The following HUNK variants were observed in gnomAD, a reference collection of about 807,000 sequenced individuals.
HUNK encodes hormonally up-regulated neu tumor-associated kinase.
In HUNK, 21 loss-of-function variants were observed where a neutral mutation model predicts 61.0. The observed-to-expected ratio is 0.34, with a 90% CI of 0.24 to 0.50. The LOEUF (loss-of-function observed/expected upper bound fraction) is 0.50. HUNK is among the 20% of genes least tolerant of loss of function. The probability of loss-of-function intolerance (pLI) is 0.98; values close to 1 mark genes in which losing one functional copy is unlikely to be tolerated. For synonymous variants in HUNK, 371 were observed against 386.1 expected, an observed-to-expected ratio of 0.96 and a Z score of 0.46; for missense variants, 772 against 945.7, an observed-to-expected ratio of 0.82 and a Z score of 2.41.
At chr21:31,933,214 C>G (rs1366007638) in intron 2 of HUNK, among the ~76,000 whole-genome samples, 1 of 152,056 alleles carries the variant, frequency 6.6e-6, no homozygotes, top group Non-Finnish European at 1.5e-5. Context: ...CCATGCCTGG[C>G]CCTGCACTAC....
chr21:31,896,395 T>C (rs1022359051), intron 1 of HUNK, among the ~76,000 whole-genome samples: 1 of 152,212 alleles, frequency 6.6e-6, no homozygotes, highest in East Asian at 1.9e-4. Flanking sequence ...GAACCTGGGG[T>C]TTCTCTCTCT....
At chr21:31,946,289 C>A in intron 4 of HUNK, 118 bp downstream of exon 4, 1 of 988,228 alleles carries the variant, frequency 1.0e-6, no homozygotes, top group South Asian at 2.0e-5. Flanking sequence ...AGGAGTATGT[C>A]ATCAGGGATT....
rs909706705 is a variant in HUNK, at chr21:31,983,442, C to T, written c.1174-84C>T. The T allele has an allele frequency of 1.9e-5, 20 of 1,066,088 alleles. No homozygotes were observed. In the East Asian group the frequency reaches 3.3e-4, roughly 18 times the overall value. The allele number at this position is 1,066,088 out of a possible 1,614,324, so 66.0% of individuals were successfully genotyped here. A position where few individuals can be genotyped will look rare whatever the true frequency, so the allele number is the denominator to read the frequency against. Reference sequence around the variant, plus strand: ...CATTTCCAGCATTCTCTCAGCCAAGCGCTGGTTTAAAAATTAATGACTGCT... The same window carrying T: ...CATTTCCAGCATTCTCTCAGCCAAGTGCTGGTTTAAAAATTAATGACTGCT... On this transcript the variant is annotated intron_variant, in intron 7 of 10. Coordinates refer to ENST00000270112, the MANE Select transcript of HUNK (RefSeq NM_014586.2).
intron 1 of HUNK, among the ~76,000 whole-genome samples, chr21:31,900,014 A>T (rs1337977544): frequency 6.6e-6 from 1 of 151,708 alleles, no homozygotes; most frequent in Non-Finnish European, 1.5e-5. Flanking sequence ...ACCTCAAGTG[A>T]TCCACCCTCC....
chr21:31,941,743 G>A (rs867542403), intron 3 of HUNK, among the ~76,000 whole-genome samples: 29 of 152,330 alleles, frequency 1.9e-4, no homozygotes, highest in Non-Finnish European at 1.0e-4. Flanking sequence ...GAGATCTGGA[G>A]TGTTAAACAA....
Position 32,002,956 on chromosome 21 carries a change from T to C in HUNK, c.*3772T>C, listed in dbSNP as rs549949914. ...TTGTAAGAATCCCAACACTTTAGAA[T>C]AGAAAAGGACCTAAGATTCTCTGGC... On this transcript the variant is annotated 3_prime_UTR_variant, in exon 11 of 11. Coordinates refer to ENST00000270112, the MANE Select transcript of HUNK (RefSeq NM_014586.2). The C allele has an allele frequency of 1.3e-5, 2 of 152,170 alleles. No individual in the cohort carries two copies. Among genetic ancestry groups the C allele is most frequent in the African/African-American group, 2.4e-5 (1 of 41,436 alleles). 9.4% of individuals were successfully genotyped at this position (152,170 alleles called of 1,614,324 possible).
intron 1 of HUNK, among the ~76,000 whole-genome samples, chr21:31,889,056 T>C (rs1471592446): frequency 6.6e-6 from 1 of 152,136 alleles, no homozygotes; most frequent in East Asian, 1.9e-4. Flanking sequence ...GAGAGGTTTT[T>C]GAATCACATC....
intron 7 of HUNK, among the ~76,000 whole-genome samples, chr21:31,981,959 G>T (rs1298627689): frequency 6.6e-6 from 1 of 151,798 alleles, no homozygotes; most frequent in Non-Finnish European, 1.5e-5. Flanking sequence ...GTGCAGGTTT[G>T]TTACATAAGT....
At chr21:31,930,770 A>G (rs2052690990) in intron 2 of HUNK, among the ~76,000 whole-genome samples, 1 of 152,146 alleles carries the variant, frequency 6.6e-6, no homozygotes, top group African/African-American at 2.4e-5. Flanking sequence ...GGAATAGTCC[A>G]TATTCTCCCT....
At chr21:31,955,660 T>C (rs1410493265) in intron 4 of HUNK, among the ~76,000 whole-genome samples, 3 of 152,238 alleles carry the variant, frequency 2.0e-5, no homozygotes, top group East Asian at 3.8e-4. Context: ...TTCTTAGTTA[T>C]ATGGTGGTCA....
Position 31,892,178 on chromosome 21 carries a change from TATAGAG to T in HUNK, c.261+18245_261+18250del, listed in dbSNP as rs1319557323. On this transcript the variant is annotated intron_variant, in intron 1 of 10. Transcript: ENST00000270112. Reference sequence around the variant, plus strand: ...AAAAAAAAAAATATATATATATATATATAGAGAGAGAGAGAGAGAGAGAGAGAGAGA... The same window carrying T: ...AAAAAAAAAAATATATATATATATATAGAGAGAGAGAGAGAGAGAGAGAGA... Among the ~76,000 whole-genome samples the T allele has an allele frequency of 3.1e-3, 318 of 103,974 alleles. 2 individuals are homozygous for T. The highest frequency in any genetic ancestry group is 0.014 in the Middle Eastern group (3 of 208). The allele number at this position is 103,974 out of a possible 152,430, so 68.2% of individuals were successfully genotyped here.
chr21:31,973,523 A>C (rs1311923564), intron 6 of HUNK, among the ~76,000 whole-genome samples: 1 of 152,122 alleles, frequency 6.6e-6, no homozygotes, highest in Non-Finnish European at 1.5e-5. Flanking sequence ...ACACTCCCTT[A>C]GAGCCCTCCC....
intron 3 of HUNK, among the ~76,000 whole-genome samples, chr21:31,942,728 C>G (rs1601389793): frequency 6.6e-6 from 1 of 152,146 alleles, no homozygotes; most frequent in Non-Finnish European, 1.5e-5. Flanking sequence ...GGGACAAAAT[C>G]GGCTCCTTCA....
At chr21:31,980,751 C>T (rs1043328815) in intron 7 of HUNK, among the ~76,000 whole-genome samples, 3 of 151,564 alleles carry the variant, frequency 2.0e-5, no homozygotes, top group Non-Finnish European at 4.4e-5. Context: ...GTTGTCCAGG[C>T]TGGAGTGCAA....
intron 9 of HUNK, among the ~76,000 whole-genome samples, chr21:31,990,726 G>T (rs545833364): frequency 5.3e-5 from 8 of 152,058 alleles, no homozygotes; most frequent in African/African-American, 1.9e-4. Flanking sequence ...AGTAGAGATA[G>T]AGTTTCACCA....
In HUNK at chr21:31,924,418, G is replaced by A. The variant is rs1257348614; in HGVS notation, c.262-50G>A. 8 of 1,548,868 alleles carry A rather than the reference G, an allele frequency of 5.2e-6. No homozygotes were observed. Among genetic ancestry groups the A allele is most frequent in the East Asian group, 2.3e-5 (1 of 44,430 alleles). On this transcript the variant is annotated intron_variant, in intron 1 of 10. Coordinates refer to ENST00000270112, the MANE Select transcript of HUNK (RefSeq NM_014586.2). This position sits in a 1 kb window ranked among gnomAD's most constrained non-coding sequence, Gnocchi z 5.1. ...GGTTCCTGTGAGTAGCCAAGGCATCGCTATTGTCTGTAATGTCTGATAACA... is the reference window on the plus strand; with the variant it reads ...GGTTCCTGTGAGTAGCCAAGGCATCACTATTGTCTGTAATGTCTGATAACA...
chr21:31,988,193 C>A (rs1340939775), intron 8 of HUNK, among the ~76,000 whole-genome samples: 2 of 152,120 alleles, frequency 1.3e-5, no homozygotes, highest in Admixed American at 6.5e-5. Flanking sequence ...AGGAGGACAC[C>A]TATCGTGTGT....
At position 32,000,552 on chromosome 21, in the gene HUNK, G is replaced by A. The variant is rs1457958044; in HGVS notation, c.*1368G>A. 2.5e-6 allele frequency: 1 copy of A among 399,062 alleles called. No individual in the cohort carries two copies. Among genetic ancestry groups the A allele is most frequent in the African/African-American group, 2.1e-5 (1 of 48,628 alleles). 24.7% of individuals were successfully genotyped at this position (399,062 alleles called of 1,614,324 possible). ...AGACCCATCAGCACAGGTTGGATAGGGGTTAGTGTAGGAGACCAGTTACAG... is the reference window on the plus strand; with the variant it reads ...AGACCCATCAGCACAGGTTGGATAGAGGTTAGTGTAGGAGACCAGTTACAG... On this transcript the variant is annotated 3_prime_UTR_variant, in exon 11 of 11. Coordinates refer to ENST00000270112, the MANE Select transcript of HUNK (RefSeq NM_014586.2).
intron 1 of HUNK, among the ~76,000 whole-genome samples, chr21:31,923,747 G>A (rs971859821): frequency 3.3e-5 from 5 of 151,928 alleles, no homozygotes; most frequent in Admixed American, 1.3e-4. Context: ...CCCTCCCACC[G>A]TACCTCTTAT....
Sources: allele counts gnomAD v4.1 joint callset (sites outside exome capture counted in the v4.1 genomes callset), GRCh38; gene constraint gnomAD v4.1.1; non-coding constraint Gnocchi (gnomAD v3.1); transcripts MANE v1.5; gene names NCBI Gene and HGNC (gene_info 2026-07-23, HGNC 2026-07-21).